KCNT2: variants seen among roughly 807,000 people sequenced by gnomAD.
KCNT2 encodes potassium sodium-activated channel subfamily T member 2.
Under a neutral mutation model 153.8 loss-of-function variants are expected in KCNT2, and 67 were observed. The observed-to-expected ratio is 0.44, with a 90% CI of 0.36 to 0.53. The LOEUF is 0.53. Among genes scored for constraint, KCNT2 ranks in the 20% least tolerant of loss-of-function variants. KCNT2 has a pLI of 0.00. For missense variants in KCNT2, 975 were observed against 1,354.8 expected, an observed-to-expected ratio of 0.72 and a Z score of 4.40; for synonymous variants, 500 against 458.8, an observed-to-expected ratio of 1.09 and a Z score of -1.15.
intron 1 of KCNT2, among the ~76,000 whole-genome samples, chr1:196,567,290 A>T (rs955031866): frequency 9.2e-5 from 14 of 151,972 alleles, no homozygotes; most frequent in African/African-American, 2.7e-4. Context: ...CATCTACTAG[A>T]CCACTATGCT....
intron 1 of KCNT2, among the ~76,000 whole-genome samples, chr1:196,503,632 T>C (rs141264221): frequency 2.2e-3 from 338 of 152,248 alleles, no homozygotes; most frequent in Non-Finnish European, 4.0e-3. Flanking sequence ...TATAACAAAG[T>C]CCAATATGGG....
At chr1:196,523,973 C>G (rs548926618) in intron 1 of KCNT2, among the ~76,000 whole-genome samples, 515 of 152,200 alleles carry the variant, frequency 3.4e-3, no homozygotes, top group Non-Finnish European at 6.1e-3. Flanking sequence ...CCTTTTTTCT[C>G]TTGCACCTGA....
chr1:196,390,478 T>C (rs1670377385), intron 13 of KCNT2, among the ~76,000 whole-genome samples: 1 of 151,512 alleles, frequency 6.6e-6, no homozygotes, highest in Non-Finnish European at 1.5e-5. Flanking sequence ...ATATATGGAA[T>C]GTTTTACGTA....
intron 26 of KCNT2, among the ~76,000 whole-genome samples, chr1:196,237,614 G>A (rs1654559445): frequency 6.6e-6 from 1 of 151,776 alleles, no homozygotes; most frequent in Admixed American, 6.6e-5. Flanking sequence ...ACTCAGGCTG[G>A]AGTACAATGG....
At chr1:196,257,173 G>A (rs1656587421) in intron 26 of KCNT2, 1 of 898,696 alleles carries the variant, frequency 1.1e-6, no homozygotes, top group Admixed American at 6.2e-5. Flanking sequence ...GTTATAAAGA[G>A]TAACAAGAAT....
At chr1:196,411,783 C>G (rs537467416) in intron 12 of KCNT2, among the ~76,000 whole-genome samples, 1 of 151,704 alleles carries the variant, frequency 6.6e-6, no homozygotes, top group Admixed American at 6.6e-5. Context: ...ATAGTTCTCC[C>G]TTATCCACAG....
intron 8 of KCNT2, among the ~76,000 whole-genome samples, chr1:196,456,692 G>C (rs1283737937): frequency 6.6e-6 from 1 of 151,864 alleles, no homozygotes; most frequent in East Asian, 1.9e-4. Context: ...CATACCACTA[G>C]TGTTATACAT....
At position 196,467,703 on chromosome 1, in the gene KCNT2, A is replaced by G. The variant is rs779726022; in HGVS notation, c.543T>C (p.Ile181=). ...WLAKHALENM[I]NDLHRAIQRT... The stretch of plus-strand genomic sequence containing the variant: ...ATTTGCACTTTAATTCTATACTTAC[A>G]ATCATATTTTCCAAGGCATGTTTGG... Residue 181 remains isoleucine, a splice_region_variant and synonymous_variant, in exon 7 of 28, where the codon ATT becomes ATC. Coordinates refer to ENST00000294725, the MANE Select transcript of KCNT2 (RefSeq NM_198503.5). 2 of 1,584,762 alleles carry G rather than the reference A, an allele frequency of 1.3e-6. No homozygotes were observed. The highest frequency in any genetic ancestry group is 8.7e-7 in the Non-Finnish European group (1 of 1,155,160).
rs117756114 is a variant in KCNT2, at chr1:196,561,702, C to T, written c.95+46513G>A. On this transcript the variant is annotated intron_variant, in intron 1 of 27. Transcript: ENST00000294725. ...AGAAGAAGAAGAAAGAATAGAAGAA[C>T]AGAAATGCTCGTTACACAGCCTCAG... 2.2e-3 allele frequency among the ~76,000 whole-genome samples: 134 copies of T among 61,500 alleles called. 1 individual carries two copies. The East Asian group carries it at 0.082, about 38-fold the overall frequency. 40.3% of individuals were successfully genotyped at this position (61,500 alleles called of 152,430 possible). A position where few individuals can be genotyped will look rare whatever the true frequency, so the allele number is the denominator to read the frequency against.
chr1:196,270,999 C>T (rs1232597622), intron 25 of KCNT2, among the ~76,000 whole-genome samples: 1 of 151,484 alleles, frequency 6.6e-6, no homozygotes, highest in Non-Finnish European at 1.5e-5. Flanking sequence ...ACAGCACCTC[C>T]CCAACCATAC....
chr1:196,357,718 C>A (rs926495757), intron 14 of KCNT2, among the ~76,000 whole-genome samples: 22 of 151,774 alleles, frequency 1.4e-4, no homozygotes, highest in Non-Finnish European at 3.2e-4. Context: ...CTTTTAGAGG[C>A]CAAAGCTCCT....
Position 196,371,802 on chromosome 1 carries a change from G to C in KCNT2, c.1403+1338C>G, listed in dbSNP as rs558552745. Among the ~76,000 whole-genome samples the C allele has an allele frequency of 2.5e-4, 38 of 152,076 alleles. 1 individual carries two copies. Among genetic ancestry groups the C allele is most frequent in the South Asian group, 2.3e-3 (11 of 4,826 alleles). ...TAATATTTACTAGGAGATGCACAAC[G>C]AAATTTAACTTCAGTCATGAGTAAT... On this transcript the variant is annotated intron_variant, in intron 14 of 27. Coordinates refer to ENST00000294725, the MANE Select transcript of KCNT2 (RefSeq NM_198503.5).
In KCNT2 at chr1:196,480,481, T is replaced by C. The variant is rs567977625; in HGVS notation, c.325-1243A>G. Among the ~76,000 whole-genome samples, 80 of 152,262 alleles carry C rather than the reference T, an allele frequency of 5.3e-4. 1 individual carries two copies. Among genetic ancestry groups the C allele is most frequent in the Non-Finnish European group, 1.0e-4 (7 of 68,028 alleles). ...CTCCATAAATCCTCTAAATCATAAT[T>C]ACTCATGCTTTTTTTGTAGAAGTAC... On this transcript the variant is annotated intron_variant, in intron 4 of 27. Coordinates refer to ENST00000294725, the MANE Select transcript of KCNT2 (RefSeq NM_198503.5).
At chr1:196,586,433 T>C (rs1662686327) in intron 1 of KCNT2, among the ~76,000 whole-genome samples, 1 of 152,120 alleles carries the variant, frequency 6.6e-6, no homozygotes, top group South Asian at 2.1e-4. Flanking sequence ...TTATTAAGAA[T>C]TCAATCATTT....
intron 1 of KCNT2, among the ~76,000 whole-genome samples, chr1:196,527,279 A>G (rs2148838622): frequency 6.6e-6 from 1 of 152,268 alleles, no homozygotes; most frequent in South Asian, 2.1e-4. Flanking sequence ...AAAAAGATGT[A>G]CCTCATAGAA....
intron 13 of KCNT2, among the ~76,000 whole-genome samples, chr1:196,377,382 CAAA>C (rs1669062262): frequency 6.6e-6 from 1 of 151,716 alleles, no homozygotes; most frequent in African/African-American, 2.4e-5. Flanking sequence ...CAATTTTTAT[CAAA>C]TAATTTTCTA....
intron 1 of KCNT2, among the ~76,000 whole-genome samples, chr1:196,541,791 T>C (rs1394076704): frequency 6.6e-6 from 1 of 152,106 alleles, no homozygotes; most frequent in Non-Finnish European, 1.5e-5. Flanking sequence ...TATTAACCAC[T>C]AGGACATGAG....
intron 8 of KCNT2, among the ~76,000 whole-genome samples, chr1:196,438,250 T>C (rs528932933): frequency 7.2e-5 from 11 of 151,954 alleles, no homozygotes; most frequent in African/African-American, 2.4e-4. Context: ...AAAGCTTTTG[T>C]TTCTATTTTA....
chr1:196,274,414 T>G (rs541410405), intron 25 of KCNT2, among the ~76,000 whole-genome samples: 2 of 151,810 alleles, frequency 1.3e-5, no homozygotes, highest in South Asian at 4.1e-4. Context: ...TGTGGGTTTC[T>G]TGAAACTATT....
Sources: allele counts gnomAD v4.1 joint callset (sites outside exome capture counted in the v4.1 genomes callset), GRCh38; gene constraint gnomAD v4.1.1; transcripts MANE v1.5; gene names NCBI Gene and HGNC (gene_info 2026-07-23, HGNC 2026-07-21).